The following PCSK6 variants were observed in gnomAD, a reference collection of about 807,000 sequenced individuals.
PCSK6 encodes the protein paired basic amino acid cleaving enzyme 4.
PCSK6 carries 85 observed loss-of-function variants against 123.3 expected under a neutral mutation model. The observed-to-expected ratio is 0.69, with a 90% CI of 0.58 to 0.83. The LOEUF (loss-of-function observed/expected upper bound fraction) is 0.83, where lower values mean the gene tolerates loss of function less well. Ranked by LOEUF, PCSK6 falls within the 40% of genes least tolerant of loss-of-function variation. The probability of loss-of-function intolerance (pLI) is 0.00; values close to 1 mark genes in which losing one functional copy is unlikely to be tolerated. For missense variants in PCSK6, 1,191 were observed against 1,282.3 expected (o/e 0.93, Z 1.09); for synonymous variants, 508 against 516.0 (o/e 0.98, Z 0.21).
At chr15:101,318,663 C>T (rs1407181765) in intron 18 of PCSK6, among the ~76,000 whole-genome samples, 3 of 152,340 alleles carry the variant, frequency 2.0e-5, no homozygotes, top group East Asian at 1.9e-4. Flanking sequence ...CGCCAGGCTC[C>T]GTCCTTGACC....
intron 1 of PCSK6, among the ~76,000 whole-genome samples, chr15:101,485,823 G>A (rs989996048): frequency 2.0e-5 from 3 of 151,988 alleles, no homozygotes; most frequent in African/African-American, 7.3e-5. Flanking sequence ...TAATTCATTT[G>A]TGTGATTTCA....
In PCSK6 at chr15:101,432,080, C is replaced by T; in HGVS notation, c.423G>A (p.Gln141=). 1 of 1,613,544 alleles carries T rather than the reference C, an allele frequency of 6.2e-7. No individual in the cohort carries two copies. The highest frequency in any genetic ancestry group is 8.5e-7 in the Non-Finnish European group (1 of 1,179,706). The change falls in exon 3 of 22, where the codon CAG becomes CAA. Residue 141 remains glutamine, a synonymous_variant. Transcript: ENST00000611716. ...MDPQVKWLQQ[Q]EVKRRVKRQV... ...GTCTCTTCACCCTTCGTTTCACTTC[C>T]TGTTGCTGGAGCCATTTCACCTACC...
chr15:101,410,834 G>A (rs2042924809), intron 6 of PCSK6, among the ~76,000 whole-genome samples: 1 of 152,190 alleles, frequency 6.6e-6, no homozygotes, highest in South Asian at 2.1e-4. Flanking sequence ...TCATCTCTCT[G>A]TTAGTCTCCC....
chr15:101,338,335 A>G (rs1596199795), intron 13 of PCSK6, among the ~76,000 whole-genome samples: 1 of 151,678 alleles, frequency 6.6e-6, no homozygotes, highest in Admixed American at 6.6e-5. Flanking sequence ...GGAGGCATCC[A>G]CCTCCTCTCA....
rs371371071 is a variant in PCSK6 at position 101,398,375 on chromosome 15, C to A, written c.996+29G>T. The stretch of plus-strand genomic sequence containing the variant: ...GTTTACTGTCACCCTTGTCCCAGAG[C>A]GCTCCCCTGTAGCCCTGGTTACTCA... On this transcript the variant is annotated intron_variant, in intron 7 of 21. Coordinates refer to ENST00000611716, the MANE Select transcript of PCSK6 (RefSeq NM_002570.5). This position sits in a 1 kb window ranked among gnomAD's most constrained non-coding sequence, Gnocchi z 4.6. 8.9e-6 allele frequency: 14 copies of A among 1,581,894 alleles called. No homozygotes were observed. Among genetic ancestry groups the A allele is most frequent in the African/African-American group, 1.3e-5 (1 of 74,282 alleles).
chr15:101,444,112 A>C (rs1334093513), intron 1 of PCSK6, among the ~76,000 whole-genome samples: 3 of 151,960 alleles, frequency 2.0e-5, no homozygotes, highest in African/African-American at 7.3e-5. Context: ...ATGAACACTC[A>C]CTCTCCAGTG....
chr15:101,371,166 C>T (rs891661988), intron 11 of PCSK6, among the ~76,000 whole-genome samples: 4 of 152,132 alleles, frequency 2.6e-5, no homozygotes, highest in Non-Finnish European at 4.4e-5. Flanking sequence ...GAGGTCGCAC[C>T]ACTGCACTCC....
chr15:101,390,899 G>T (rs1542809), intron 8 of PCSK6, among the ~76,000 whole-genome samples: 128,565 of 151,938 alleles, frequency 0.85, 54,646 homozygotes, highest in Admixed American at 0.87. Flanking sequence ...GCAGGAATAG[G>T]AAAGTCACAC....
intron 6 of PCSK6, among the ~76,000 whole-genome samples, chr15:101,409,112 C>T (rs1019991179): frequency 3.9e-5 from 6 of 152,230 alleles, no homozygotes; most frequent in African/African-American, 1.4e-4. Flanking sequence ...CCAAATGCAG[C>T]CTACTCCAGA....
chr15:101,371,427 C>T (rs909049460), intron 11 of PCSK6, among the ~76,000 whole-genome samples: 1 of 151,906 alleles, frequency 6.6e-6, no homozygotes, highest in Non-Finnish European at 1.5e-5. Flanking sequence ...CCTTGGACCC[C>T]CTAAATATAT....
chr15:101,410,095 G>A (rs1197410927), intron 6 of PCSK6, among the ~76,000 whole-genome samples: 2 of 152,190 alleles, frequency 1.3e-5, no homozygotes, highest in African/African-American at 4.8e-5. Flanking sequence ...ACCATGCCTG[G>A]CTAATTTTTA....
intron 6 of PCSK6, among the ~76,000 whole-genome samples, chr15:101,405,278 T>C (rs571278903): frequency 9.4e-4 from 143 of 152,328 alleles, no homozygotes; most frequent in African/African-American, 3.3e-3. Flanking sequence ...ATTGTTTTGA[T>C]GGCATTGATG....
intron 7 of PCSK6, among the ~76,000 whole-genome samples, chr15:101,396,427 A>G (rs2042414947): frequency 6.6e-6 from 1 of 152,210 alleles, no homozygotes; most frequent in Admixed American, 6.5e-5. Context: ...TTTGGAAATC[A>G]TCCCGTAGAA....
chr15:101,305,236 C>A lies in PCSK6; in HGVS notation c.*22G>T, dbSNP rs1262152311. On this transcript the variant is annotated 3_prime_UTR_variant, in exon 22 of 22. Coordinates refer to ENST00000611716, the MANE Select transcript of PCSK6 (RefSeq NM_002570.5). The surrounding 1 kb of genome is among the most constrained non-coding windows in gnomAD (Gnocchi z 4.8). ...GGATGGATGGATGGGAGTGCCTGCC[C>A]TCTGTGGGCAGCTAGGCACCCTTAC... is the stretch of plus-strand genomic sequence containing the variant. 3 of 1,588,572 alleles carry A rather than the reference C, an allele frequency of 1.9e-6. No individual in the cohort carries two copies. The highest frequency in any genetic ancestry group is 2.6e-6 in the Non-Finnish European group (3 of 1,163,786).
chr15:101,398,402 A>C lies in PCSK6; in HGVS notation c.996+2T>G. 6.2e-7 allele frequency: 1 copy of C among 1,605,248 alleles called. No individual in the cohort carries two copies. Among genetic ancestry groups the C allele is most frequent in the Non-Finnish European group, 8.5e-7 (1 of 1,173,654 alleles). ...CTCCCCTGTAGCCCTGGTTACTCAC[A>C]CCTTTTTAATGCCATACTCGAAAGC... is the stretch of plus-strand genomic sequence containing the variant. On this transcript the variant is annotated splice_donor_variant, in intron 7 of 21. Coordinates refer to ENST00000611716, the MANE Select transcript of PCSK6 (RefSeq NM_002570.5). LOFTEE classifies it high-confidence loss of function. This position sits in a 1 kb window ranked among gnomAD's most constrained non-coding sequence, Gnocchi z 4.6.
chr15:101,311,481 C>T (rs2039861278), intron 20 of PCSK6, among the ~76,000 whole-genome samples: 1 of 151,984 alleles, frequency 6.6e-6, no homozygotes, highest in African/African-American at 2.4e-5. Flanking sequence ...CTTGCTTCAC[C>T]TGCCATCAGG....
At chr15:101,480,177 C>T (rs925719415) in intron 1 of PCSK6, among the ~76,000 whole-genome samples, 5 of 152,242 alleles carry the variant, frequency 3.3e-5, no homozygotes, top group Non-Finnish European at 7.3e-5. Flanking sequence ...TCTGCCCACT[C>T]TCACTGAGAA....
chr15:101,345,439 CA>C (rs2040707753), intron 13 of PCSK6, among the ~76,000 whole-genome samples: 1 of 151,770 alleles, frequency 6.6e-6, no homozygotes, highest in African/African-American at 2.4e-5. Flanking sequence ...TAAAATCAAA[CA>C]AATTGGGACT....
intron 11 of PCSK6, among the ~76,000 whole-genome samples, chr15:101,372,834 AAC>A (rs1226213068): frequency 3.9e-5 from 6 of 152,228 alleles, no homozygotes; most frequent in Non-Finnish European, 8.8e-5. Context: ...ATCAAGGGGA[AAC>A]AGACACAAAA....
Sources: allele counts gnomAD v4.1 joint callset (sites outside exome capture counted in the v4.1 genomes callset), GRCh38; gene constraint gnomAD v4.1.1; non-coding constraint Gnocchi (gnomAD v3.1); transcripts MANE v1.5; gene names NCBI Gene and HGNC (gene_info 2026-07-23, HGNC 2026-07-21).